The following PRIMPOL variants were observed in gnomAD, a reference collection of about 807,000 sequenced individuals.
PRIMPOL encodes the protein DNA-directed primase/polymerase protein.
In PRIMPOL, 54 loss-of-function variants were observed where a neutral mutation model predicts 63.6. The observed-to-expected ratio is 0.85, with a 90% CI of 0.68 to 1.07. PRIMPOL has a LOEUF of 1.07. Ranked by LOEUF, PRIMPOL falls within the 50% of genes least tolerant of loss-of-function variation. PRIMPOL has a pLI of 0.00. For synonymous variants in PRIMPOL, 197 were observed against 220.2 expected (o/e 0.89, Z 0.93); for missense variants, 610 against 648.3 (o/e 0.94, Z 0.64).
chr4:184,682,219 T>C lies in PRIMPOL; in HGVS notation c.1008-29T>C, dbSNP rs552880521. ...CTTGTTAGTTCCAGTGTGATGGTGC[T>C]TTGTTTCTTTTACCTATTTCTTCTT... On this transcript the variant is annotated intron_variant, in intron 8 of 13. Coordinates refer to ENST00000314970, the MANE Select transcript of PRIMPOL (RefSeq NM_152683.4). 5.4e-5 allele frequency: 67 copies of C among 1,250,348 alleles called. No individual in the cohort carries two copies. In the South Asian group the frequency reaches 8.3e-4, roughly 15 times the overall value. The allele number at this position is 1,250,348 out of a possible 1,614,324, so 77.5% of individuals were successfully genotyped here. A position where few individuals can be genotyped will look rare whatever the true frequency, so the allele number is the denominator to read the frequency against.
chr4:184,685,246 C>G (rs1756698764), intron 9 of PRIMPOL, among the ~76,000 whole-genome samples, 163 bp from the exon 10 acceptor site: 1 of 152,176 alleles, frequency 6.6e-6, no homozygotes, highest in South Asian at 2.1e-4. Flanking sequence ...TGAATCTTAC[C>G]TGCTTCCTTG....
chr4:184,676,351 T>TCCC (rs1753357973), intron 7 of PRIMPOL, among the ~76,000 whole-genome samples: 1 of 108,652 alleles, frequency 9.2e-6, no homozygotes, highest in African/African-American at 4.1e-5. Flanking sequence ...TTTCTCCTTT[T>TCCC]CCTTCCCTTC....
chr4:184,663,168 C>T (rs1012103267), intron 5 of PRIMPOL, among the ~76,000 whole-genome samples: 1 of 151,766 alleles, frequency 6.6e-6, no homozygotes, highest in African/African-American at 2.4e-5. Context: ...CCTCAGCCTC[C>T]CGAGTAGCTG....
intron 13 of PRIMPOL, among the ~76,000 whole-genome samples, chr4:184,692,370 A>G (rs1484854379): frequency 6.9e-6 from 1 of 145,722 alleles, no homozygotes; most frequent in Non-Finnish European, 1.5e-5. Context: ...GCTACTCAGG[A>G]GGCTGAGGCA....
chr4:184,684,442 C>A (rs1756481956), intron 9 of PRIMPOL, among the ~76,000 whole-genome samples: 1 of 36,730 alleles, frequency 2.7e-5, no homozygotes, highest in Non-Finnish European at 5.9e-5. Flanking sequence ...GGCAACAGAG[C>A]AAGACTCTGT....
At position 184,672,149 on chromosome 4, in the gene PRIMPOL, A is replaced by T. The variant is rs781451291; in HGVS notation, c.557-24A>T. 75 of 1,589,434 alleles carry T rather than the reference A, an allele frequency of 4.7e-5. No homozygotes were observed. The South Asian group carries it at 8.0e-4, about 17-fold the overall frequency. The stretch of plus-strand genomic sequence containing the variant: ...GCGGTGTGTGGAGAAGATCCAGGTG[A>T]ATGATAATAGCTTTTTTCCTTAGGT... On this transcript the variant is annotated intron_variant, in intron 6 of 13. Transcript: ENST00000314970.
chr4:184,678,146 T>C, intron 7 of PRIMPOL, 86 bp from the exon 8 acceptor site: 1 of 720,634 alleles, frequency 1.4e-6, no homozygotes, highest in Non-Finnish European at 2.2e-6. Context: ...TTTTTATTAA[T>C]GCTATATAAA....
intron 7 of PRIMPOL, among the ~76,000 whole-genome samples, chr4:184,674,854 C>G (rs1010341575): frequency 1.3e-5 from 2 of 152,120 alleles, no homozygotes; most frequent in African/African-American, 4.8e-5. Flanking sequence ...TCATCTGAAA[C>G]GGCGACAACA....
At chr4:184,683,296 G>A (rs112292545) in intron 9 of PRIMPOL, among the ~76,000 whole-genome samples, 1 of 151,906 alleles carries the variant, frequency 6.6e-6, no homozygotes, top group Non-Finnish European at 1.5e-5. Flanking sequence ...GGTGGCGGGT[G>A]CCTGTAATCC....
At position 184,692,589 on chromosome 4, in the gene PRIMPOL, C is replaced by T. The variant is rs144678449; in HGVS notation, c.1425+877C>T. 3.2e-4 allele frequency among the ~76,000 whole-genome samples: 49 copies of T among 151,514 alleles called. No individual in the cohort carries two copies. The East Asian group carries it at 8.7e-3, about 27-fold the overall frequency. On this transcript the variant is annotated intron_variant, in intron 13 of 13. Transcript: ENST00000314970. ...CAGAAATAAATGATACACGTTTTGG[C>T]ACGTACCTTCGAGAATTTATGTATG...
intron 9 of PRIMPOL, among the ~76,000 whole-genome samples, chr4:184,683,156 C>T (rs1460610927): frequency 1.3e-4 from 20 of 152,114 alleles, no homozygotes; most frequent in East Asian, 1.2e-3. Context: ...ATTCACTGGG[C>T]GTGGTGGCTC....
rs1553985959 is a variant in PRIMPOL, at chr4:184,654,452, A to AGTTTTTTTTGTTT, written c.-60+2361_-60+2362insGTTTGTTTTTTTT. Among the ~76,000 whole-genome samples, 16 of 126,574 alleles carry AGTTTTTTTTGTTT rather than the reference A, an allele frequency of 1.3e-4. No individual in the cohort carries two copies. The South Asian group carries it at 1.9e-3, about 15-fold the overall frequency. 83.0% of individuals were successfully genotyped at this position (126,574 alleles called of 152,430 possible). A position where few individuals can be genotyped will look rare whatever the true frequency, so the allele number is the denominator to read the frequency against. ...TCACTTTGTATTGACAAGTTAAAGC[A>AGTTTTTTTTGTTT]GTTTTTTTTTTTTTTTGAGACAGAG... On this transcript the variant is annotated intron_variant, in intron 2 of 13. Transcript: ENST00000314970.
In PRIMPOL at chr4:184,685,680, A is replaced by G; in HGVS notation, c.1291A>G (p.Ile431Val). ...TGGAAGAGCCCATAAGAGTAATAATATAATGTAAGTAATATTAATGATTTG... is the reference window on the plus strand; with the variant it reads ...TGGAAGAGCCCATAAGAGTAATAATGTAATGTAAGTAATATTAATGATTTG... ...NIGRAHKSNN[I>V]MILVDLKNEV... Residue 431 changes from isoleucine to valine, a missense_variant, in exon 11 of 14, where the codon ATA becomes GTA. Ile to Val is a conservative substitution (Grantham distance 29, BLOSUM62 3). Coordinates refer to ENST00000314970, the MANE Select transcript of PRIMPOL (RefSeq NM_152683.4). 1.4e-6 allele frequency: 2 copies of G among 1,382,798 alleles called. No individual in the cohort carries two copies. The highest frequency in any genetic ancestry group is 2.0e-6 in the Non-Finnish European group (2 of 978,246). 85.7% of individuals were successfully genotyped at this position (1,382,798 alleles called of 1,614,324 possible). A position where few individuals can be genotyped will look rare whatever the true frequency, so the allele number is the denominator to read the frequency against.
Position 184,685,603 on chromosome 4 carries a change from C to T in PRIMPOL, c.1214C>T (p.Pro405Leu). 2.5e-6 allele frequency: 4 copies of T among 1,612,430 alleles called. No homozygotes were observed. Among genetic ancestry groups the T allele is most frequent in the Non-Finnish European group, 3.4e-6 (4 of 1,178,864 alleles). The change falls in exon 11 of 14, where the codon CCA (proline) becomes CTA (leucine). Residue 405 changes from proline (P) to leucine (L), a missense_variant. Around this residue, in one of 3 missense-constraint regions of PRIMPOL, gnomAD observed 444 missense variants for 456.4 expected, o/e 0.97. Coordinates refer to ENST00000314970, the MANE Select transcript of PRIMPOL (RefSeq NM_152683.4). ...GGIRRWNYFF[P>L]EELLVYDICK... ...ATTCGGCGTTGGAACTACTTTTTCC[C>T]AGAAGAATTACTGGTTTATGATATT...
intron 5 of PRIMPOL, among the ~76,000 whole-genome samples, chr4:184,662,794 C>G (rs1433853621): frequency 1.3e-5 from 2 of 151,710 alleles, no homozygotes; most frequent in Non-Finnish European, 2.9e-5. Flanking sequence ...CCTCTACATG[C>G]TTGATTTTAA....
intron 3 of PRIMPOL, among the ~76,000 whole-genome samples, chr4:184,657,939 G>GC (rs963830066): frequency 3.3e-5 from 5 of 152,118 alleles, no homozygotes; most frequent in Non-Finnish European, 7.4e-5. Context: ...TTTGCTGTGA[G>GC]CCGAGATCGC....
chr4:184,687,924 T>C (rs374879087), intron 11 of PRIMPOL, among the ~76,000 whole-genome samples: 2 of 152,330 alleles, frequency 1.3e-5, no homozygotes, highest in East Asian at 3.9e-4. Context: ...CCATAAACAA[T>C]ATAGTGTTTT....
At chr4:184,664,073 T>A (rs1749134914) in intron 5 of PRIMPOL, among the ~76,000 whole-genome samples, 1 of 152,252 alleles carries the variant, frequency 6.6e-6, no homozygotes, top group Non-Finnish European at 1.5e-5. Flanking sequence ...CAGGGCAACA[T>A]TGTCCACTCA....
At chr4:184,657,897 G>A (rs1746935334) in intron 3 of PRIMPOL, among the ~76,000 whole-genome samples, 1 of 152,088 alleles carries the variant, frequency 6.6e-6, no homozygotes, top group South Asian at 2.1e-4. Context: ...CAAGGCTGAG[G>A]CAGGAGAATG....
Sources: allele counts gnomAD v4.1 joint callset (sites outside exome capture counted in the v4.1 genomes callset), GRCh38; gene constraint gnomAD v4.1.1; regional missense constraint gnomAD v4.1.1; transcripts MANE v1.5; gene names NCBI Gene and HGNC (gene_info 2026-07-23, HGNC 2026-07-21).